The following PPP1R1A variants were observed in gnomAD, a reference collection of about 807,000 sequenced individuals.
PPP1R1A encodes the protein protein phosphatase 1 regulatory inhibitor subunit 1A.
In PPP1R1A, 18 loss-of-function variants were observed where a neutral mutation model predicts 23.9. The ratio of observed to expected loss-of-function variants is 0.75; its 90% CI spans 0.52 to 1.12. The LOEUF (loss-of-function observed/expected upper bound fraction) is 1.12. Among genes scored for constraint, PPP1R1A ranks in the 50% most tolerant of loss-of-function variants. The pLI, the probability that PPP1R1A is intolerant of heterozygous loss-of-function variation, is 0.00. For synonymous variants in PPP1R1A, 84 were observed against 80.7 expected (o/e 1.04, Z -0.22); for missense variants, 207 against 223.8 (o/e 0.92, Z 0.48).
chr12:54,580,020 T>G lies in PPP1R1A; in HGVS notation c.*367A>C. 1 of 1,013,856 alleles carries G rather than the reference T, an allele frequency of 9.9e-7. No individual in the cohort carries two copies. Among genetic ancestry groups the G allele is most frequent in the Non-Finnish European group, 1.2e-6 (1 of 847,466 alleles). 62.8% of individuals were successfully genotyped at this position (1,013,856 alleles called of 1,614,324 possible). On this transcript the variant is annotated 3_prime_UTR_variant, in exon 7 of 7. Transcript: ENST00000257905. ...AATAAGAAAAGAGAACCTGGGGCTT[T>G]TCTTCCTTCTTGGCACCCTGGAAGT...
chr12:54,585,739 G>A (rs745367506), intron 1 of PPP1R1A, among the ~76,000 whole-genome samples: 1 of 151,192 alleles, frequency 6.6e-6, no homozygotes, highest in Non-Finnish European at 1.5e-5. Context: ...GAAAAGTGGG[G>A]GGTACTGGCT....
intron 1 of PPP1R1A, among the ~76,000 whole-genome samples, chr12:54,585,874 T>C (rs1957905265): frequency 6.6e-6 from 1 of 152,120 alleles, no homozygotes; most frequent in Non-Finnish European, 1.5e-5. Flanking sequence ...GCATCTGTTT[T>C]TGGTGACATT....
chr12:54,584,357 C>T lies in PPP1R1A; in HGVS notation c.85-37G>A, dbSNP rs1302089688. 6 of 1,533,782 alleles carry T rather than the reference C, an allele frequency of 3.9e-6. No homozygotes were observed. The African/African-American group carries it at 4.1e-5, about 10-fold the overall frequency. ...TGGGAAATGGGGAAGAGGTCAAGTA[C>T]ACGTGGAAGCATCAAAGCCCCACCC... is the stretch of plus-strand genomic sequence containing the variant. On this transcript the variant is annotated intron_variant, in intron 1 of 6. Coordinates refer to ENST00000257905, the MANE Select transcript of PPP1R1A (RefSeq NM_006741.4).
intron 3 of PPP1R1A, 76 bp downstream of exon 3, chr12:54,583,135 G>A: frequency 2.1e-6 from 3 of 1,433,076 alleles, no homozygotes; most frequent in Non-Finnish European, 2.8e-6. Flanking sequence ...GAGATGGGCG[G>A]CAGGGTTTTA....
chr12:54,586,363 G>A (rs77814685), intron 1 of PPP1R1A, among the ~76,000 whole-genome samples: 1 of 152,346 alleles, frequency 6.6e-6, no homozygotes, highest in East Asian at 1.9e-4. Context: ...TGGGAAATAA[G>A]TAGATGGTCT....
At chr12:54,580,473 T>C (rs1191309379) in intron 6 of PPP1R1A, 81 bp from the exon 7 acceptor site, 2 of 1,369,024 alleles carry the variant, frequency 1.5e-6, no homozygotes, top group Admixed American at 1.8e-5. Flanking sequence ...GGCCATCCCA[T>C]TTGTCAACAT....
Position 54,583,201 on chromosome 12 carries a change from G to A in PPP1R1A, c.183+10C>T. The A allele has an allele frequency of 1.3e-6, 2 of 1,551,984 alleles. No individual in the cohort carries two copies. Among genetic ancestry groups the A allele is most frequent in the Non-Finnish European group, 8.7e-7 (1 of 1,154,214 alleles). ...TTTTGGGCTGGGCTTAGTGGGATGG[G>A]CCAGCTCACCTTGAGATGTGGGTTG... On this transcript the variant is annotated intron_variant, in intron 3 of 6. Transcript: ENST00000257905.
Position 54,581,136 on chromosome 12 carries a change from AC to A in PPP1R1A, c.404-87del. The stretch of plus-strand genomic sequence containing the variant: ...AACTGCTTCTCCTCACTGCACCCAT[AC>A]CCCAGTGGCCCCTGAGAGGGCCCCA... On this transcript the variant is annotated intron_variant, in intron 5 of 6. Coordinates refer to ENST00000257905, the MANE Select transcript of PPP1R1A (RefSeq NM_006741.4). This position sits in a 1 kb window ranked among gnomAD's most constrained non-coding sequence, Gnocchi z 4.1. 9.5e-7 allele frequency: 1 copy of A among 1,056,800 alleles called. No homozygotes were observed. The highest frequency in any genetic ancestry group is 2.4e-5 in the East Asian group (1 of 42,158). The allele number at this position is 1,056,800 out of a possible 1,614,324, so 65.5% of individuals were successfully genotyped here. A position where few individuals can be genotyped will look rare whatever the true frequency, so the allele number is the denominator to read the frequency against.
At chr12:54,588,260 C>A in intron 1 of PPP1R1A, 145 bp downstream of exon 1, 1 of 235,318 alleles carries the variant, frequency 4.2e-6, no homozygotes, top group South Asian at 1.4e-4. Context: ...CAGAAGACCC[C>A]CCCCCGCCCC....
In PPP1R1A at chr12:54,581,615, C is replaced by A. The variant is rs1290996259; in HGVS notation, c.403+361G>T. Among the ~76,000 whole-genome samples, 1 of 152,162 alleles carries A rather than the reference C, an allele frequency of 6.6e-6. No individual in the cohort carries two copies. Among genetic ancestry groups the A allele is most frequent in the African/African-American group, 2.4e-5 (1 of 41,430 alleles). On this transcript the variant is annotated intron_variant, in intron 5 of 6. Coordinates refer to ENST00000257905, the MANE Select transcript of PPP1R1A (RefSeq NM_006741.4). This position sits in a 1 kb window ranked among gnomAD's most constrained non-coding sequence, Gnocchi z 4.1. ...CACACAACCCACTGCAACAGGCACCCTCATTATCATTTTATACCCTGAGGT... is the reference window on the plus strand; with the variant it reads ...CACACAACCCACTGCAACAGGCACCATCATTATCATTTTATACCCTGAGGT...
At position 54,581,772 on chromosome 12, in the gene PPP1R1A, A is replaced by G. The variant is rs1957857770; in HGVS notation, c.403+204T>C. ...GTGGGGCTCTGAGGTTCAAGTTGGGAGGGCTTGGTGTCACTCAGTAAGGAA... is the reference window on the plus strand; with the variant it reads ...GTGGGGCTCTGAGGTTCAAGTTGGGGGGGCTTGGTGTCACTCAGTAAGGAA... On this transcript the variant is annotated intron_variant, in intron 5 of 6. Transcript: ENST00000257905. The surrounding 1 kb of genome is among the most constrained non-coding windows in gnomAD (Gnocchi z 4.1). Among the ~76,000 whole-genome samples the G allele has an allele frequency of 6.6e-6, 1 of 152,150 alleles. No homozygotes were observed. Among genetic ancestry groups the G allele is most frequent in the Non-Finnish European group, 1.5e-5 (1 of 68,034 alleles).
intron 1 of PPP1R1A, among the ~76,000 whole-genome samples, chr12:54,585,664 T>C (rs1957902570): frequency 6.6e-6 from 1 of 152,026 alleles, no homozygotes; most frequent in Non-Finnish European, 1.5e-5. Context: ...ATGTCCATTA[T>C]TTAGAATCAT....
chr12:54,588,278 C>A, intron 1 of PPP1R1A, 127 bp downstream of exon 1: 1 of 346,476 alleles, frequency 2.9e-6, no homozygotes, highest in Non-Finnish European at 4.8e-6. Flanking sequence ...CCCCCGCAAA[C>A]TGAGCGTTCG....
In PPP1R1A at chr12:54,579,485, G is replaced by A. The variant is rs910627347; in HGVS notation, c.*902C>T. ...TGCCTCTGTACCACATGCTTCAGCA[G>A]GGAGGGGGAAAGAATCTTGCCTTCC... is the stretch of plus-strand genomic sequence containing the variant. On this transcript the variant is annotated 3_prime_UTR_variant, in exon 7 of 7. Transcript: ENST00000257905. 1.0e-6 allele frequency: 1 copy of A among 985,366 alleles called. No homozygotes were observed. Among genetic ancestry groups the A allele is most frequent in the Non-Finnish European group, 1.2e-6 (1 of 829,936 alleles). 61.0% of individuals were successfully genotyped at this position (985,366 alleles called of 1,614,324 possible). A position where few individuals can be genotyped will look rare whatever the true frequency, so the allele number is the denominator to read the frequency against.
intron 2 of PPP1R1A, among the ~76,000 whole-genome samples, chr12:54,583,755 C>G (rs968209088): frequency 6.6e-6 from 1 of 152,192 alleles, no homozygotes; most frequent in African/African-American, 2.4e-5. Flanking sequence ...GCCTGTCCCC[C>G]TCGCTTCCAT....
chr12:54,586,967 G>T (rs1291945286), intron 1 of PPP1R1A, among the ~76,000 whole-genome samples: 1 of 152,208 alleles, frequency 6.6e-6, no homozygotes, highest in Non-Finnish European at 1.5e-5. Context: ...AGGCATAGCA[G>T]CCTTTCCCCT....
At chr12:54,588,317 G>T in intron 1 of PPP1R1A, 88 bp downstream of exon 1, 1 of 1,053,856 alleles carries the variant, frequency 9.5e-7, no homozygotes, top group Non-Finnish European at 1.3e-6. Flanking sequence ...GCTAAGGGAG[G>T]ACTAGGCAGG....
Position 54,583,216 on chromosome 12 carries a change from G to C in PPP1R1A, c.178C>G (p.Leu60Val). The C allele has an allele frequency of 6.5e-7, 1 of 1,547,226 alleles. No individual in the cohort carries two copies. The highest frequency in any genetic ancestry group is 8.7e-7 in the Non-Finnish European group (1 of 1,152,184). The change falls in exon 3 of 7, where the codon CTC becomes GTC. Residue 60 changes from leucine to valine, a missense_variant. Transcript: ENST00000257905. Reference protein sequence around the residue: ...IDEDRIPNPHLKSTLAMSPRQ... With the variant: ...IDEDRIPNPHVKSTLAMSPRQ... ...AGTGGGATGGGCCAGCTCACCTTGAGATGTGGGTTGGGGATCCGGTCTTCA... is the reference window on the plus strand; with the variant it reads ...AGTGGGATGGGCCAGCTCACCTTGACATGTGGGTTGGGGATCCGGTCTTCA...
rs764401697 is a variant in PPP1R1A at position 54,580,403 on chromosome 12, G to A, written c.511-11C>T. The A allele has an allele frequency of 1.9e-6, 3 of 1,611,780 alleles. No homozygotes were observed. Among genetic ancestry groups the A allele is most frequent in the Admixed American group, 1.7e-5 (1 of 60,002 alleles). ...CCTCCTCTCTCAGACCTGTTATGGGGGAAAGGGGACAGAAAGAGAAGGTGA... is the reference window on the plus strand; with the variant it reads ...CCTCCTCTCTCAGACCTGTTATGGGAGAAAGGGGACAGAAAGAGAAGGTGA... On this transcript the variant is annotated splice_polypyrimidine_tract_variant and intron_variant, in intron 6 of 6. Transcript: ENST00000257905.
Sources: gnomAD v4.1 joint callset for allele counts (sites outside exome capture counted in the v4.1 genomes callset) on GRCh38, gnomAD v4.1.1 for gene constraint, Gnocchi (gnomAD v3.1) non-coding constraint, MANE v1.5 for transcripts, NCBI Gene and HGNC (gene_info 2026-07-23, HGNC 2026-07-21) for gene names.